The following LRRTM4 variants were observed in gnomAD, a reference collection of about 807,000 sequenced individuals.
The protein encoded by LRRTM4 is leucine-rich repeat transmembrane neuronal protein 4.
In LRRTM4, 25 loss-of-function variants were observed where a neutral mutation model predicts 47.6. That is an observed-to-expected ratio of 0.53 (90% CI 0.38 to 0.73). The LOEUF is 0.73. Among genes scored for constraint, LRRTM4 ranks in the 30% least tolerant of loss-of-function variants. The pLI is 0.00. For synonymous variants in LRRTM4, 311 were observed against 269.5 expected, an observed-to-expected ratio of 1.15 and a Z score of -1.51; for missense variants, 638 against 713.4, an observed-to-expected ratio of 0.89 and a Z score of 1.20.
rs540401924 is a variant in LRRTM4 at position 77,236,450 on chromosome 2, A to AT, written c.1551+281867dup. On this transcript the variant is annotated intron_variant, in intron 3 of 3. Coordinates refer to ENST00000409884, the MANE Select transcript of LRRTM4 (RefSeq NM_001134745.3). ...TAGGGTTTTCTAGGTACAGAATCAT[A>AT]TTTTTTTTTTGCCAAGAGAGATAGC... Among the ~76,000 whole-genome samples the AT allele has an allele frequency of 5.6e-4, 82 of 146,712 alleles. No homozygotes were observed. In the East Asian group the frequency reaches 6.4e-3, roughly 11 times the overall value.
intron 3 of LRRTM4, among the ~76,000 whole-genome samples, chr2:77,475,888 C>A (rs1407710866): frequency 6.6e-6 from 1 of 151,846 alleles, no homozygotes; most frequent in Non-Finnish European, 1.5e-5. Context: ...TGTTTACATT[C>A]TATGCCTATT....
At chr2:77,007,796 T>G (rs1048312097) in intron 3 of LRRTM4, among the ~76,000 whole-genome samples, 1 of 152,162 alleles carries the variant, frequency 6.6e-6, no homozygotes, top group Non-Finnish European at 1.5e-5. Flanking sequence ...AATAGAAAAT[T>G]GGCTCTTTTC....
intron 3 of LRRTM4, among the ~76,000 whole-genome samples, chr2:77,074,116 T>G (rs928194691): frequency 1.6e-4 from 24 of 152,334 alleles, no homozygotes; most frequent in African/African-American, 5.5e-4. Context: ...GAATGCAATT[T>G]TAAATGTCTT....
chr2:77,274,146 T>TAC (rs201301040), intron 3 of LRRTM4, among the ~76,000 whole-genome samples: 6 of 151,900 alleles, frequency 3.9e-5, no homozygotes, highest in Non-Finnish European at 5.9e-5. Context: ...TGATCACATT[T>TAC]ACACACACAC....
intron 3 of LRRTM4, among the ~76,000 whole-genome samples, chr2:77,315,402 C>T (rs1677590908): frequency 6.6e-6 from 1 of 152,126 alleles, no homozygotes. Context: ...ATATAACATA[C>T]ATAACTAGTA....
chr2:77,057,699 C>A (rs180982362), intron 3 of LRRTM4, among the ~76,000 whole-genome samples: 2 of 152,206 alleles, frequency 1.3e-5, no homozygotes, highest in East Asian at 3.9e-4. Context: ...TAAATCAGGA[C>A]CTCTTAAGTA....
rs540886835 is a variant in LRRTM4 at position 77,293,112 on chromosome 2, C to T, written c.1551+225206G>A. On this transcript the variant is annotated intron_variant, in intron 3 of 3. Transcript: ENST00000409884. ...AATTCTCTTGGAAATGTACAGAAAA[C>T]ATCTGACATATTTGGAAAGTAGAAT... Among the ~76,000 whole-genome samples the T allele has an allele frequency of 3.9e-5, 6 of 152,026 alleles. No individual in the cohort carries two copies. In the East Asian group the frequency reaches 9.7e-4, roughly 24 times the overall value.
At chr2:76,911,000 G>A (rs1319244) in intron 3 of LRRTM4, among the ~76,000 whole-genome samples, 21,897 of 152,162 alleles carry the variant, frequency 0.14, 2,003 homozygotes, top group Admixed American at 0.22. Flanking sequence ...CTAATGCAGT[G>A]CAACCATCTA....
intron 3 of LRRTM4, among the ~76,000 whole-genome samples, chr2:76,826,549 A>G (rs1443527019): frequency 6.6e-6 from 1 of 151,734 alleles, no homozygotes; most frequent in Non-Finnish European, 1.5e-5. Flanking sequence ...ATACATATAT[A>G]TGCAAAGAGT....
At chr2:77,376,574 T>C (rs893697951) in intron 3 of LRRTM4, among the ~76,000 whole-genome samples, 4 of 151,712 alleles carry the variant, frequency 2.6e-5, no homozygotes, top group African/African-American at 9.7e-5. Context: ...AGTTATATTT[T>C]AGAATGTCCC....
At chr2:77,352,447 G>A (rs868413100) in intron 3 of LRRTM4, among the ~76,000 whole-genome samples, 14 of 151,986 alleles carry the variant, frequency 9.2e-5, no homozygotes, top group African/African-American at 3.4e-4. Flanking sequence ...GGATCATTTT[G>A]TCAACTCCAG....
At chr2:76,925,949 T>A (rs1674576714) in intron 3 of LRRTM4, among the ~76,000 whole-genome samples, 1 of 152,096 alleles carries the variant, frequency 6.6e-6, no homozygotes, top group African/African-American at 2.4e-5. Flanking sequence ...GCTCTCCCCT[T>A]CCTCTTTTAA....
At chr2:77,318,568 A>G (rs1677689040) in intron 3 of LRRTM4, among the ~76,000 whole-genome samples, 2 of 152,188 alleles carry the variant, frequency 1.3e-5, no homozygotes, top group South Asian at 4.1e-4. Context: ...ACAAAGCCCA[A>G]ATCAAATAAC....
chr2:77,329,967 G>A (rs965345831), intron 3 of LRRTM4, among the ~76,000 whole-genome samples: 1 of 152,144 alleles, frequency 6.6e-6, no homozygotes, highest in Non-Finnish European at 1.5e-5. Flanking sequence ...GCAAGGATAA[G>A]CCAGTAAACT....
intron 3 of LRRTM4, among the ~76,000 whole-genome samples, chr2:77,021,132 A>ATCTATCTG (rs1553445896): frequency 1.3e-5 from 2 of 150,696 alleles, no homozygotes; most frequent in East Asian, 4.0e-4. Flanking sequence ...CTATCTATCT[A>ATCTATCTG]GCCTTATCTA....
At chr2:77,407,700 TATATA>T (rs1674263719) in intron 3 of LRRTM4, among the ~76,000 whole-genome samples, 2 of 125,202 alleles carry the variant, frequency 1.6e-5, no homozygotes, top group Admixed American at 8.0e-5. Flanking sequence ...ATATATGATA[TATATA>T]ATATATCATA....
At chr2:77,360,778 T>C (rs183874860) in intron 3 of LRRTM4, among the ~76,000 whole-genome samples, 49 of 152,242 alleles carry the variant, frequency 3.2e-4, no homozygotes, top group African/African-American at 1.1e-3. Context: ...ATCAGGAAGG[T>C]TAATTTTTAA....
At chr2:77,189,781 ACAC>A (rs1673614798) in intron 3 of LRRTM4, among the ~76,000 whole-genome samples, 1 of 152,114 alleles carries the variant, frequency 6.6e-6, no homozygotes, top group Admixed American at 6.6e-5. Flanking sequence ...ACACACACAC[ACAC>A]ATTTATATAT....
At chr2:77,178,386 G>C (rs576263497) in intron 3 of LRRTM4, among the ~76,000 whole-genome samples, 1 of 152,240 alleles carries the variant, frequency 6.6e-6, no homozygotes, top group African/African-American at 2.4e-5. Flanking sequence ...AGGAGTTCGA[G>C]ACCAGCCTGG....
Sources: allele counts gnomAD v4.1 joint callset (sites outside exome capture counted in the v4.1 genomes callset), GRCh38; gene constraint gnomAD v4.1.1; transcripts MANE v1.5; gene names NCBI Gene and HGNC (gene_info 2026-07-23, HGNC 2026-07-21).